The following FSIP2 variants were observed in gnomAD, a reference collection of about 807,000 sequenced individuals.
The protein encoded by FSIP2 is fibrous sheath-interacting protein 2.
Under a neutral mutation model 510.5 loss-of-function variants are expected in FSIP2, and 367 were observed. The observed-to-expected ratio is 0.72, with a 90% CI of 0.66 to 0.78. FSIP2 has a LOEUF of 0.78. Ranked by LOEUF, FSIP2 falls within the 30% of genes least tolerant of loss-of-function variation. The pLI is 0.00. For synonymous variants in FSIP2, 2,601 were observed against 2,732.2 expected, an observed-to-expected ratio of 0.95 and a Z score of 1.50; for missense variants, 7,594 against 7,901.7, an observed-to-expected ratio of 0.96 and a Z score of 1.48.
Position 185,807,417 on chromosome 2 carries a change from G to C in FSIP2, c.18111G>C (p.Glu6037Asp), listed in dbSNP as rs1279555916. 6.2e-6 allele frequency: 10 copies of C among 1,609,874 alleles called. No homozygotes were observed. In the East Asian group the frequency reaches 2.2e-4, roughly 36 times the overall value. Residue 6037 changes from glutamate (E) to aspartate (D), a missense_variant, in exon 17 of 23, where the codon GAG (glutamate) becomes GAC (aspartate). By Grantham distance (45) the Glu-to-Asp change is conservative. Transcript: ENST00000424728. ...TISSTKTKEP[E>D]DNLSTELNFL... Reference sequence around the variant, plus strand: ...CCAGCACAAAAACAAAAGAACCTGAGGACAATTTGTCCACAGAACTGAATT... The same window carrying C: ...CCAGCACAAAAACAAAAGAACCTGACGACAATTTGTCCACAGAACTGAATT...
At chr2:185,751,315 ATATTT>A (rs1441590001) in intron 7 of FSIP2, among the ~76,000 whole-genome samples, 12 of 151,472 alleles carry the variant, frequency 7.9e-5, no homozygotes, top group African/African-American at 2.2e-4. Flanking sequence ...TGTTATGAAA[ATATTT>A]TATTTTCCTG....
Position 185,802,510 on chromosome 2 carries a change from G to A in FSIP2, c.13204G>A (p.Val4402Met). The A allele has an allele frequency of 6.5e-7, 1 of 1,531,942 alleles. No individual in the cohort carries two copies. Among genetic ancestry groups the A allele is most frequent in the South Asian group, 1.2e-5 (1 of 83,626 alleles). The allele number at this position is 1,531,942 out of a possible 1,614,324, so 94.9% of individuals were successfully genotyped here. A position where few individuals can be genotyped will look rare whatever the true frequency, so the allele number is the denominator to read the frequency against. Residue 4402 changes from valine to methionine, a missense_variant, in exon 17 of 23, where the codon GTG (valine) becomes ATG (methionine). By Grantham distance (21) the Val-to-Met change is conservative. Transcript: ENST00000424728. ...DKESEDSGIF[V>M]ENITNLIVAA... is the part of the protein sequence containing the mutation. Reference sequence around the variant, plus strand: ...AGAGTCTGAAGACAGTGGCATTTTTGTGGAAAATATTACCAATTTAATTGT... The same window carrying A: ...AGAGTCTGAAGACAGTGGCATTTTTATGGAAAATATTACCAATTTAATTGT...
chr2:185,739,483 T>C lies in FSIP2; in HGVS notation c.225+12T>C. ...ATTTCGGTGAAAAGGTGAACAAGTT[T>C]TTATCGTCTTTCTTTCCTTTACCCT... is the stretch of plus-strand genomic sequence containing the variant. On this transcript the variant is annotated intron_variant, in intron 2 of 22. Coordinates refer to ENST00000424728, the MANE Select transcript of FSIP2 (RefSeq NM_173651.4). 64 of 1,488,704 alleles carry C rather than the reference T, an allele frequency of 4.3e-5. No homozygotes were observed. The highest frequency in any genetic ancestry group is 5.7e-5 in the Non-Finnish European group (64 of 1,121,936). 92.2% of individuals were successfully genotyped at this position (1,488,704 alleles called of 1,614,324 possible).
rs1041938508 is a variant in FSIP2, at chr2:185,775,383, T to G, written c.1412-7322T>G. 2.0e-5 allele frequency among the ~76,000 whole-genome samples: 3 copies of G among 151,506 alleles called. No individual in the cohort carries two copies. The South Asian group carries it at 6.3e-4, about 32-fold the overall frequency. ...TTTTTGGCTGCATAAATGTCTTCTTTTGAGAAGTGTCTGTTCATATCCTTC... is the reference window on the plus strand; with the variant it reads ...TTTTTGGCTGCATAAATGTCTTCTTGTGAGAAGTGTCTGTTCATATCCTTC... On this transcript the variant is annotated intron_variant, in intron 13 of 22. Coordinates refer to ENST00000424728, the MANE Select transcript of FSIP2 (RefSeq NM_173651.4).
intron 18 of FSIP2, 119 bp downstream of exon 18, chr2:185,814,161 G>A (rs1345378906): frequency 1.5e-5 from 15 of 994,980 alleles, no homozygotes; most frequent in South Asian, 3.4e-5. Context: ...TCTCAAGCCT[G>A]GTGATATTTA....
At chr2:185,811,468 CAAA>C (rs796187112) in intron 17 of FSIP2, among the ~76,000 whole-genome samples, 4 of 59,000 alleles carry the variant, frequency 6.8e-5, no homozygotes, top group Non-Finnish European at 7.3e-5. Context: ...GACTCCACCT[CAAA>C]AAAAAAAAAA....
chr2:185,827,362 T>C (rs1170068219), intron 20 of FSIP2, among the ~76,000 whole-genome samples: 10 of 151,820 alleles, frequency 6.6e-5, no homozygotes, highest in African/African-American at 2.2e-4. Context: ...AGTTTTTTCT[T>C]ATATGATATC....
Position 185,791,212 on chromosome 2 carries a change from C to G in FSIP2, c.4076C>G (p.Thr1359Ser). The part of the protein sequence containing the change: ...DDDILASPLL[T>S]CIYDMLLSSE... The stretch of plus-strand genomic sequence containing the variant: ...GACATTTTGGCGAGTCCATTATTAA[C>G]CTGTATTTATGATATGTTGTTATCA... Residue 1359 changes from threonine to serine, a missense_variant, in exon 16 of 23, where the codon ACC (threonine) becomes AGC (serine). Physicochemically the swap from Thr to Ser is moderately conservative, Grantham distance 58. Coordinates refer to ENST00000424728, the MANE Select transcript of FSIP2 (RefSeq NM_173651.4). The G allele has an allele frequency of 6.5e-7, 1 of 1,533,696 alleles. No individual in the cohort carries two copies. Among genetic ancestry groups the G allele is most frequent in the African/African-American group, 1.4e-5 (1 of 72,964 alleles).
Position 185,791,567 on chromosome 2 carries a change from G to T in FSIP2, c.4431G>T (p.Gln1477His), listed in dbSNP as rs1212050080. The change falls in exon 16 of 23, where the codon CAG becomes CAT. Residue 1477 changes from glutamine to histidine, a missense_variant. Physicochemically the swap from Gln to His is conservative, Grantham distance 24. Transcript: ENST00000424728. The stretch of plus-strand genomic sequence containing the variant: ...ATCAGAAAATGGCTGCTGCATTGCA[G>T]TCTAATATTCAGTTAATTTCTAAAG... ...NKNQKMAAAL[Q>H]SNIQLISKAI... 6.5e-7 allele frequency: 1 copy of T among 1,534,142 alleles called. No individual in the cohort carries two copies. Among genetic ancestry groups the T allele is most frequent in the South Asian group, 1.2e-5 (1 of 84,032 alleles).
In FSIP2 at chr2:185,792,256, C is replaced by T. The variant is rs1176980508; in HGVS notation, c.5120C>T (p.Thr1707Ile). Residue 1707 changes from threonine (T) to isoleucine (I), a missense_variant, in exon 16 of 23, where the codon ACT becomes ATT. Thr to Ile is a moderately conservative substitution (Grantham distance 89, BLOSUM62 -1). Coordinates refer to ENST00000424728, the MANE Select transcript of FSIP2 (RefSeq NM_173651.4). ...GAATCTGAAGGGGGAGGCATTGAAA[C>T]TTATCGATACAGGCCAACATATGGA... is the stretch of plus-strand genomic sequence containing the variant. The part of the protein sequence containing the change: ...EMESEGGGIE[T>I]YRYRPTYGSL... 7.5e-5 allele frequency: 115 copies of T among 1,533,202 alleles called. No individual in the cohort carries two copies. The highest frequency in any genetic ancestry group is 9.8e-5 in the Non-Finnish European group (112 of 1,145,212). The allele number at this position is 1,533,202 out of a possible 1,614,324, so 95.0% of individuals were successfully genotyped here.
chr2:185,807,394 A>G lies in FSIP2; in HGVS notation c.18088A>G (p.Ser6030Gly), dbSNP rs1392041293. 3 of 1,608,386 alleles carry G rather than the reference A, an allele frequency of 1.9e-6. No homozygotes were observed. The highest frequency in any genetic ancestry group is 1.1e-5 in the South Asian group (1 of 89,684). The change falls in exon 17 of 23, where the codon AGC (serine) becomes GGC (glycine). Residue 6030 changes from serine to glycine, a missense_variant. Ser to Gly is a moderately conservative substitution (Grantham distance 56). Coordinates refer to ENST00000424728, the MANE Select transcript of FSIP2 (RefSeq NM_173651.4). ...CTCCAAAATTTTCTCAACAATATCC[A>G]GCACAAAAACAAAAGAACCTGAGGA... ...LFSKIFSTIS[S>G]TKTKEPEDNL...
At chr2:185,745,372 A>G in intron 4 of FSIP2, 57 bp from the exon 5 acceptor site, 1 of 1,039,080 alleles carries the variant, frequency 9.6e-7, no homozygotes. Flanking sequence ...AAATGGTTTT[A>G]TTTCTGGGAA....
upstream of FSIP2, among the ~76,000 whole-genome samples, chr2:185,737,507 TAGG>T (rs1350459996): frequency 6.6e-6 from 1 of 151,980 alleles, no homozygotes. Flanking sequence ...GAGAGTAAAG[TAGG>T]AGTAGATAGA....
intron 14 of FSIP2, among the ~76,000 whole-genome samples, chr2:185,784,938 A>G (rs1395121712): frequency 6.6e-6 from 1 of 152,060 alleles, no homozygotes; most frequent in Non-Finnish European, 1.5e-5. Context: ...GGTTAATAAA[A>G]TTGTTTTCTA....
Position 185,790,887 on chromosome 2 carries a change from A to T in FSIP2, c.3751A>T (p.Ser1251Cys). 6.5e-7 allele frequency: 1 copy of T among 1,531,762 alleles called. No homozygotes were observed. Among genetic ancestry groups the T allele is most frequent in the Non-Finnish European group, 8.7e-7 (1 of 1,144,568 alleles). The allele number at this position is 1,531,762 out of a possible 1,614,324, so 94.9% of individuals were successfully genotyped here. ...EKPPWLKSGK[S>C]EPKPVDDIND... is the part of the protein sequence containing the mutation. ...GCCTCCCTGGTTAAAATCTGGAAAA[A>T]GTGAACCTAAACCTGTAGATGACAT... Residue 1251 changes from serine (S) to cysteine (C), a missense_variant, in exon 16 of 23, where the codon AGT becomes TGT. Coordinates refer to ENST00000424728, the MANE Select transcript of FSIP2 (RefSeq NM_173651.4).
At position 185,793,989 on chromosome 2, in the gene FSIP2, G is replaced by C; in HGVS notation, c.6853G>C (p.Val2285Leu). ...TTTCCAAAGTAAAGAAAAGTCATTTGTTATCCCAGAATTGGAAAATTGTAA... is the reference window on the plus strand; with the variant it reads ...TTTCCAAAGTAAAGAAAAGTCATTTCTTATCCCAGAATTGGAAAATTGTAA... ...LAFQSKEKSF[V>L]IPELENCKQN... is the part of the protein sequence containing the mutation. Residue 2285 changes from valine to leucine, a missense_variant, in exon 16 of 23, where the codon GTT becomes CTT. By Grantham distance (32) the Val-to-Leu change is conservative (BLOSUM62 1). Transcript: ENST00000424728. The C allele has an allele frequency of 1.3e-6, 2 of 1,532,368 alleles. No individual in the cohort carries two copies. The highest frequency in any genetic ancestry group is 1.7e-6 in the Non-Finnish European group (2 of 1,144,586). 94.9% of individuals were successfully genotyped at this position (1,532,368 alleles called of 1,614,324 possible).
At position 185,802,981 on chromosome 2, in the gene FSIP2, G is replaced by C. The variant is rs1036574104; in HGVS notation, c.13675G>C (p.Glu4559Gln). Residue 4559 changes from glutamate to glutamine, a missense_variant, in exon 17 of 23, where the codon GAA (glutamate) becomes CAA (glutamine). Physicochemically the swap from Glu to Gln is conservative, Grantham distance 29 (BLOSUM62 2). Transcript: ENST00000424728. ...TGTTGTGCAAACCTCTGGTTCTCAA[G>C]AATCAGCTGTGCAAAATATCACAAG... ...ANVVQTSGSQ[E>Q]SAVQNITSSN... 5.2e-6 allele frequency: 8 copies of C among 1,531,008 alleles called. No individual in the cohort carries two copies. The highest frequency in any genetic ancestry group is 7.0e-6 in the Non-Finnish European group (8 of 1,144,284). The allele number at this position is 1,531,008 out of a possible 1,614,324, so 94.8% of individuals were successfully genotyped here. A position where few individuals can be genotyped will look rare whatever the true frequency, so the allele number is the denominator to read the frequency against.
At chr2:185,772,058 A>C (rs1692617188) in intron 13 of FSIP2, among the ~76,000 whole-genome samples, 1 of 152,208 alleles carries the variant, frequency 6.6e-6, no homozygotes. Context: ...TTTGCTAAGG[A>C]ATAACAAGTG....
chr2:185,791,765 A>AAGGGTTC lies in FSIP2; in HGVS notation c.4633_4639dup (p.Glu1547GlyfsTer6). On this transcript the variant is annotated frameshift_variant, in exon 16 of 23. Coordinates refer to ENST00000424728, the MANE Select transcript of FSIP2 (RefSeq NM_173651.4). LOFTEE classifies it high-confidence loss of function. ...AAATAATCTCCAGCATAGTTTCCAG[A>AAGGGTTC]AGGGTTCAGGAGGACAATAAAGAAG... 6.5e-7 allele frequency: 1 copy of AAGGGTTC among 1,534,652 alleles called. No homozygotes were observed. The highest frequency in any genetic ancestry group is 8.7e-7 in the Non-Finnish European group (1 of 1,145,726).
Sources: allele counts gnomAD v4.1 joint callset (sites outside exome capture counted in the v4.1 genomes callset), GRCh38; gene constraint gnomAD v4.1.1; transcripts MANE v1.5; gene names NCBI Gene and HGNC (gene_info 2026-07-23, HGNC 2026-07-21).